Variants in ARID3A observed in about 807,000 individuals in gnomAD.
The protein encoded by ARID3A is AT-rich interaction domain 3A, also known as AT-rich interactive domain-containing protein 3A.
ARID3A carries 11 observed loss-of-function variants against 52.7 expected under a neutral mutation model. The ratio of observed to expected loss-of-function variants is 0.21; its 90% confidence interval spans 0.13 to 0.35. ARID3A has a LOEUF of 0.35. ARID3A is among the 10% of genes least tolerant of loss of function. The pLI is 1.00. For missense variants in ARID3A, 721 were observed against 838.5 expected (o/e 0.86, Z 1.73); for synonymous variants, 404 against 359.4 (o/e 1.12, Z -1.40).
chr19:966,979 C>T (rs1002323493), intron 7 of ARID3A, 111 bp downstream of exon 7: 16 of 1,306,300 alleles, frequency 1.2e-5, no homozygotes, highest in Admixed American at 5.9e-5. Flanking sequence ...AAAAAAAAGC[C>T]GGGTGCAGTG....
At chr19:936,090 C>T (rs567631305) in intron 3 of ARID3A, among the ~76,000 whole-genome samples, 3 of 152,196 alleles carry the variant, frequency 2.0e-5, no homozygotes, top group African/African-American at 7.2e-5. Flanking sequence ...GCGCCCGGCC[C>T]GTGATGGGAT....
chr19:926,881 GT>G, intron 1 of ARID3A, among the ~76,000 whole-genome samples: 1 of 151,224 alleles, frequency 6.6e-6, no homozygotes. Context: ...GGCTGGAGGG[GT>G]TCCCCCCCCC....
At chr19:962,901 G>C (rs1390594632) in intron 4 of ARID3A, among the ~76,000 whole-genome samples, 1 of 152,164 alleles carries the variant, frequency 6.6e-6, no homozygotes, top group African/African-American at 2.4e-5. Flanking sequence ...CAGGTTTCCG[G>C]GCCGATCCTG....
At chr19:968,643 C>CA in intron 8 of ARID3A, 140 bp downstream of exon 8, 1 of 696,386 alleles carries the variant, frequency 1.4e-6, no homozygotes, top group Non-Finnish European at 2.5e-6. Flanking sequence ...CTTTGCAGGA[C>CA]AAACAGTCAA....
chr19:966,504 T>C (rs1341063954), intron 6 of ARID3A, 68 bp from the exon 7 acceptor site: 4 of 1,322,736 alleles, frequency 3.0e-6, no homozygotes, highest in South Asian at 3.1e-5. Flanking sequence ...AAGGTGCATG[T>C]TCCTGCCTTG....
At chr19:962,513 CT>C (rs539409112) in intron 4 of ARID3A, among the ~76,000 whole-genome samples, 10,349 of 115,154 alleles carry the variant, frequency 0.09, 564 homozygotes, top group South Asian at 0.3. Flanking sequence ...GCTGCTGATC[CT>C]TTTTTTTTTT....
chr19:953,085 C>T (rs1170411294), intron 3 of ARID3A, among the ~76,000 whole-genome samples: 1 of 152,096 alleles, frequency 6.6e-6, no homozygotes. Context: ...CCTCCCAGAG[C>T]CGGTGGGCTG....
chr19:926,877 A>AAAAC (rs1424598005), intron 1 of ARID3A, among the ~76,000 whole-genome samples: 4 of 151,186 alleles, frequency 2.6e-5, no homozygotes, highest in African/African-American at 9.8e-5. Context: ...CTCGGGCTGG[A>AAAAC]GGGGTTCCCC....
At position 969,085 on chromosome 19, in the gene ARID3A, GA is replaced by G. The variant is rs1244037936; in HGVS notation, c.1594+590del. ...GCCACAGACCGAGACCCTGTCTCTT[GA>G]AAAAAAATTTAATGAATGTATTTTT... is the stretch of plus-strand genomic sequence containing the variant. On this transcript the variant is annotated intron_variant, in intron 8 of 8. Transcript: ENST00000263620. 3.3e-5 allele frequency among the ~76,000 whole-genome samples: 5 copies of G among 151,266 alleles called. No homozygotes were observed. The East Asian group carries it at 5.9e-4, about 18-fold the overall frequency.
At chr19:970,688 T>C (rs1463202897) in intron 8 of ARID3A, among the ~76,000 whole-genome samples, 1 of 151,988 alleles carries the variant, frequency 6.6e-6, no homozygotes, top group African/African-American at 2.4e-5. Context: ...TTGGTCAGGC[T>C]GGTCTCGAAC....
chr19:964,977 G>A lies in ARID3A; in HGVS notation c.1095G>A (p.Gly365=), dbSNP rs760921064. 1.9e-6 allele frequency: 3 copies of A among 1,613,794 alleles called. No homozygotes were observed. Among genetic ancestry groups the A allele is most frequent in the Non-Finnish European group, 8.5e-7 (1 of 1,180,004 alleles). ...CCCTCTTTGCCTACTCGCCAGGCGG[G>A]GCACACGGCATGCTCTCCTCACCCA... The part of the protein sequence containing the change: ...GGSLFAYSPG[G]AHGMLSSPKL... Residue 365 remains glycine (G), a synonymous_variant, in exon 6 of 9, where the codon GGG becomes GGA. Transcript: ENST00000263620. The surrounding 1 kb of genome is among the most constrained non-coding windows in gnomAD (Gnocchi z 5.7).
chr19:936,609 G>A (rs573529418), intron 3 of ARID3A, among the ~76,000 whole-genome samples: 12 of 152,108 alleles, frequency 7.9e-5, no homozygotes, highest in East Asian at 1.9e-4. Context: ...TTGGGAGGCC[G>A]GGGCAGGCGG....
rs775171459 is a variant in ARID3A, at chr19:960,183, C to T, written c.766+19C>T. On this transcript the variant is annotated intron_variant, in intron 4 of 8. Transcript: ENST00000263620. This position sits in a 1 kb window ranked among gnomAD's most constrained non-coding sequence, Gnocchi z 4.3. ...AAGCGAGGTGAGCCCTCTGCCCCCA[C>T]CCCGCTGGAGGGAGGTCACAGAAAC... 1 of 1,601,708 alleles carries T rather than the reference C, an allele frequency of 6.2e-7. No individual in the cohort carries two copies. Among genetic ancestry groups the T allele is most frequent in the Non-Finnish European group, 8.5e-7 (1 of 1,171,902 alleles).
intron 3 of ARID3A, among the ~76,000 whole-genome samples, chr19:939,212 G>A (rs867812922): frequency 5.3e-5 from 8 of 151,930 alleles, no homozygotes; most frequent in Middle Eastern, 3.4e-3. Flanking sequence ...TCCGCCTCTC[G>A]GGTTCAAGCA....
At chr19:967,310 A>G (rs749614444) in intron 7 of ARID3A, among the ~76,000 whole-genome samples, 1 of 151,596 alleles carries the variant, frequency 6.6e-6, no homozygotes, top group African/African-American at 2.4e-5. Flanking sequence ...GCTCATGCCT[A>G]TAATCCCAGC....
In ARID3A at chr19:955,410, G is replaced by T. The variant is rs553229962; in HGVS notation, c.694-4682G>T. On this transcript the variant is annotated intron_variant, in intron 3 of 8. Coordinates refer to ENST00000263620, the MANE Select transcript of ARID3A (RefSeq NM_005224.3). The stretch of plus-strand genomic sequence containing the variant: ...GGCCCCCGCAGGTCCTCCCTTTACT[G>T]CCACGCATCAGTGCCCCGGCCCCAC... 4.6e-5 allele frequency among the ~76,000 whole-genome samples: 7 copies of T among 152,308 alleles called. No homozygotes were observed. In the South Asian group the frequency reaches 1.5e-3, roughly 32 times the overall value.
rs3786996 is a variant in ARID3A at position 953,907 on chromosome 19, C to T, written c.694-6185C>T. Among the ~76,000 whole-genome samples, 308 of 152,250 alleles carry T rather than the reference C, an allele frequency of 2.0e-3. 13 individuals carry two copies. In the East Asian group the frequency reaches 0.054, roughly 27 times the overall value. ...TGAGCAATATAGCAAGACCTTGTCT[C>T]TATAGAAATACAAAAATTAGCCGAG... On this transcript the variant is annotated intron_variant, in intron 3 of 8. Transcript: ENST00000263620.
chr19:962,943 A>G lies in ARID3A; in HGVS notation c.767-1305A>G, dbSNP rs557570765. Among the ~76,000 whole-genome samples the G allele has an allele frequency of 3.9e-5, 6 of 152,202 alleles. No individual in the cohort carries two copies. In the South Asian group the frequency reaches 1.0e-3, roughly 26 times the overall value. On this transcript the variant is annotated intron_variant, in intron 4 of 8. Coordinates refer to ENST00000263620, the MANE Select transcript of ARID3A (RefSeq NM_005224.3). Reference sequence around the variant, plus strand: ...AAACCCGGCGCGGCTCCTCTCGCCCAGGCTGTAAAGTGGGTTTCAGGTGGG... The same window carrying G: ...AAACCCGGCGCGGCTCCTCTCGCCCGGGCTGTAAAGTGGGTTTCAGGTGGG...
chr19:961,264 C>T (rs970543901), intron 4 of ARID3A, among the ~76,000 whole-genome samples: 3 of 152,118 alleles, frequency 2.0e-5, no homozygotes, highest in African/African-American at 7.2e-5. Context: ...TCTATAAACA[C>T]AGGCCCCAGA....
Sources: gnomAD v4.1 joint callset for allele counts (sites outside exome capture counted in the v4.1 genomes callset) on GRCh38, gnomAD v4.1.1 for gene constraint, Gnocchi (gnomAD v3.1) non-coding constraint, MANE v1.5 for transcripts, NCBI Gene and HGNC (gene_info 2026-07-23, HGNC 2026-07-21) for gene names.